OAT: variants seen among roughly 807,000 people sequenced by gnomAD.
OAT encodes the protein ornithine aminotransferase, mitochondrial.
A neutral mutation model predicts 48.4 loss-of-function variants in OAT; 35 were observed. The ratio of observed to expected loss-of-function variants is 0.72; its 90% CI spans 0.55 to 0.96. OAT has a LOEUF of 0.96. OAT is among the 40% of genes least tolerant of loss of function. The probability of loss-of-function intolerance (pLI) is 0.00; values close to 1 mark genes in which losing one functional copy is unlikely to be tolerated. For synonymous variants in OAT, 182 were observed against 198.4 expected, an observed-to-expected ratio of 0.92 and a Z score of 0.70; for missense variants, 438 against 537.9, an observed-to-expected ratio of 0.81 and a Z score of 1.84.
In OAT at chr10:124,397,786, G is replaced by A. The variant is rs1951272704; in HGVS notation, c.*156C>T. ...CAAAGCAAACGGCAGGTTCATAAAC[G>A]TTGTTCTATTATGTATCAACTGAAA... On this transcript the variant is annotated 3_prime_UTR_variant, in exon 10 of 10. Transcript: ENST00000368845. The A allele has an allele frequency of 8.3e-6, 6 of 721,458 alleles. No homozygotes were observed. Among genetic ancestry groups the A allele is most frequent in the African/African-American group, 3.6e-5 (2 of 55,854 alleles). The allele number at this position is 721,458 out of a possible 1,614,324, so 44.7% of individuals were successfully genotyped here.
chr10:124,398,741 A>G (rs12244201), intron 9 of OAT, among the ~76,000 whole-genome samples: 9,712 of 150,642 alleles, frequency 0.064, 430 homozygotes, highest in Non-Finnish European at 0.085. Context: ...TATAGGCTGG[A>G]TGCAGTGGCT....
intron 7 of OAT, among the ~76,000 whole-genome samples, chr10:124,402,676 T>A (rs1433131751): frequency 6.6e-6 from 1 of 152,100 alleles, no homozygotes; most frequent in Non-Finnish European, 1.5e-5. Context: ...CCTTTGGGGG[T>A]AAACTGTTTC....
intron 8 of OAT, among the ~76,000 whole-genome samples, chr10:124,401,273 A>C (rs971626544): frequency 6.6e-6 from 1 of 152,252 alleles, no homozygotes; most frequent in Non-Finnish European, 1.5e-5. Flanking sequence ...AATGGACGAA[A>C]TGTAATTCCT....
intron 4 of OAT, among the ~76,000 whole-genome samples, chr10:124,406,554 G>A (rs1951583278): frequency 1.3e-5 from 2 of 150,550 alleles, no homozygotes; most frequent in East Asian, 2.0e-4. Context: ...AGTGGCTCAC[G>A]CCTGCAATCC....
rs570919461 is a variant in OAT, at chr10:124,418,878, A to G, written c.-35T>C. On this transcript the variant is annotated 5_prime_UTR_variant, in exon 1 of 10. Transcript: ENST00000368845. ...CAGCGGCGCCCAGACGGTACCTGAC[A>G]GCGCCTGAGGACAACCGGGTACACG... 4.6e-5 allele frequency: 7 copies of G among 152,048 alleles called. No individual in the cohort carries two copies. In the East Asian group the frequency reaches 7.8e-4, roughly 17 times the overall value. The allele number at this position is 152,048 out of a possible 1,614,324, so 9.4% of individuals were successfully genotyped here.
At chr10:124,418,831 G>A (rs1952005627) in intron 1 of OAT, 42 bp downstream of exon 1, 1 of 152,278 alleles carries the variant, frequency 6.6e-6, no homozygotes, top group African/African-American at 2.4e-5. Context: ...CCCCGGCCAG[G>A]GCCCGAACCA....
Position 124,418,647 on chromosome 10 carries a change from G to A in OAT, c.-30+226C>T, listed in dbSNP as rs1016214669. Among the ~76,000 whole-genome samples the A allele has an allele frequency of 1.1e-4, 16 of 151,998 alleles. No individual in the cohort carries two copies. The East Asian group carries it at 2.9e-3, about 28-fold the overall frequency. On this transcript the variant is annotated intron_variant, in intron 1 of 9. Transcript: ENST00000368845. ...CCACGCCCCTGCCCCCTGAAGCTGC[G>A]CGCCGGCCGGAGACTCCAGGGCGCC...
chr10:124,401,597 C>T (rs1405545426), intron 8 of OAT, 129 bp downstream of exon 8: 2 of 717,168 alleles, frequency 2.8e-6, no homozygotes, highest in Non-Finnish European at 5.0e-6. Context: ...AAAATTTTTC[C>T]TCTATACTTC....
chr10:124,406,888 G>T, intron 4 of OAT: 1 of 889,322 alleles, frequency 1.1e-6, no homozygotes, highest in Non-Finnish European at 1.3e-6. Context: ...TTTCTAGCAG[G>T]GAGAAAACAC....
chr10:124,406,501 T>A (rs1011021362), intron 4 of OAT, among the ~76,000 whole-genome samples: 2 of 150,106 alleles, frequency 1.3e-5, no homozygotes, highest in Admixed American at 6.7e-5. Flanking sequence ...AAAATAAAAA[T>A]AATAATAATA....
intron 6 of OAT, chr10:124,403,317 G>A: frequency 1.8e-6 from 1 of 543,522 alleles, no homozygotes; most frequent in Non-Finnish European, 3.3e-6. Context: ...AGGTGCTGAT[G>A]CAAAGGTGAG....
intron 9 of OAT, 75 bp from the exon 10 acceptor site, chr10:124,398,177 T>A: frequency 6.6e-7 from 1 of 1,521,852 alleles, no homozygotes; most frequent in Non-Finnish European, 9.1e-7. Context: ...ATGGGCAAAG[T>A]GCAGCCTGGC....
At chr10:124,417,090 G>C (rs1392050713) in intron 1 of OAT, among the ~76,000 whole-genome samples, 2 of 151,736 alleles carry the variant, frequency 1.3e-5, no homozygotes, top group Non-Finnish European at 2.9e-5. Context: ...CTCACTAAAG[G>C]GCATAAAATA....
At position 124,408,613 on chromosome 10, in the gene OAT, C is replaced by T; in HGVS notation, c.449G>A (p.Cys150Tyr). 1 of 1,613,046 alleles carries T rather than the reference C, an allele frequency of 6.2e-7. No individual in the cohort carries two copies. Among genetic ancestry groups the T allele is most frequent in the South Asian group, 1.1e-5 (1 of 91,050 alleles). The change falls in exon 4 of 10, where the codon TGT (cysteine) becomes TAT (tyrosine). Residue 150 changes from cysteine to tyrosine, a missense_variant. Coordinates refer to ENST00000368845, the MANE Select transcript of OAT (RefSeq NM_000274.4). ...ATAGCCCCACTTACGAGCTAGTTTA[C>T]AGGCAGTCTCTCCAGCCTCCACTCC... ...NTGVEAGETA[C>Y]KLARKWGYTV...
chr10:124,404,481 G>A (rs2134462103), intron 5 of OAT, among the ~76,000 whole-genome samples: 1 of 151,990 alleles, frequency 6.6e-6, no homozygotes, highest in African/African-American at 2.4e-5. Context: ...CACTGTCTCT[G>A]GTTTCACTGT....
chr10:124,400,847 T>A lies in OAT; in HGVS notation c.1152A>T (p.Glu384Asp). ...AATGTTTTATCTCCATACCTTTGGT[T>A]TCTTTAATGACAATAGCGTTTAATA... is the stretch of plus-strand genomic sequence containing the variant. ...KGLLNAIVIK[E>D]TKDWDAWKVC... Residue 384 changes from glutamate to aspartate, a missense_variant, in exon 9 of 10, where the codon GAA becomes GAT. Coordinates refer to ENST00000368845, the MANE Select transcript of OAT (RefSeq NM_000274.4). The A allele has an allele frequency of 6.2e-7, 1 of 1,600,450 alleles. No homozygotes were observed. The highest frequency in any genetic ancestry group is 8.5e-7 in the Non-Finnish European group (1 of 1,169,936).
At position 124,398,566 on chromosome 10, in the gene OAT, G is replaced by A. The variant is rs370395653; in HGVS notation, c.1160-464C>T. 1.7e-4 allele frequency among the ~76,000 whole-genome samples: 26 copies of A among 150,488 alleles called. No homozygotes were observed. The East Asian group carries it at 2.9e-3, about 17-fold the overall frequency. On this transcript the variant is annotated intron_variant, in intron 9 of 9. Coordinates refer to ENST00000368845, the MANE Select transcript of OAT (RefSeq NM_000274.4). ...TTGCTTTGTTTTTACTCCTAAAAAT[G>A]AAGTTACTCTTCACTTTTCAGCAAG...
At chr10:124,417,257 A>G (rs1951946263) in intron 1 of OAT, among the ~76,000 whole-genome samples, 1 of 151,478 alleles carries the variant, frequency 6.6e-6, no homozygotes, top group African/African-American at 2.4e-5. Flanking sequence ...AAACACCATG[A>G]AAAACTGTAA....
In OAT at chr10:124,403,043, CA is replaced by C. The variant is rs1195885907; in HGVS notation, c.783del (p.Ile261MetfsTer27). On this transcript the variant is annotated frameshift_variant, in exon 7 of 10. Coordinates refer to ENST00000368845, the MANE Select transcript of OAT (RefSeq NM_000274.4). LOFTEE classifies it high-confidence loss of function. Reference protein sequence around the residue: ...ELCTRHQVLFIADEIQTGLAR... With the variant: ...ELCTRHQVLFXADEIQTGLAR... ...GCCAATCCTGTCTGTATTTCATCAG[CA>C]ATAAAGAGAACCTATTGGGGAAAAA... 1 of 1,613,942 alleles carries C rather than the reference CA, an allele frequency of 6.2e-7. No homozygotes were observed. Among genetic ancestry groups the C allele is most frequent in the African/African-American group, 1.3e-5 (1 of 74,904 alleles).
Sources: allele counts gnomAD v4.1 joint callset (sites outside exome capture counted in the v4.1 genomes callset), GRCh38; gene constraint gnomAD v4.1.1; transcripts MANE v1.5; gene names NCBI Gene and HGNC (gene_info 2026-07-23, HGNC 2026-07-21).